SEZ6L: variants seen among roughly 807,000 people sequenced by gnomAD.
The protein encoded by SEZ6L is seizure related 6 homolog like.
In SEZ6L, 37 loss-of-function variants were observed where a neutral mutation model predicts 106.2. That is an observed-to-expected ratio of 0.35 (90% confidence interval 0.27 to 0.46). The LOEUF (loss-of-function observed/expected upper bound fraction) is 0.46, where lower values mean the gene tolerates loss of function less well. SEZ6L is among the 20% of genes least tolerant of loss of function. SEZ6L has a pLI of 1.00. For missense variants in SEZ6L, 1,172 were observed against 1,332.8 expected (o/e 0.88, Z 1.88); for synonymous variants, 541 against 570.4 (o/e 0.95, Z 0.73).
chr22:26,232,357 C>CACACACAA (rs2078826968), intron 1 of SEZ6L, among the ~76,000 whole-genome samples: 1 of 135,602 alleles, frequency 7.4e-6, no homozygotes, highest in Non-Finnish European at 1.6e-5. Context: ...CACACACACA[C>CACACACAA]ACACACACAC....
chr22:26,340,740 T>C (rs530984935), intron 10 of SEZ6L, 108 bp downstream of exon 10: 8 of 916,428 alleles, frequency 8.7e-6, no homozygotes, highest in Middle Eastern at 2.4e-4. Context: ...TTTTTCATTG[T>C]ATTGTATTGA....
At chr22:26,205,714 G>C (rs1250808178) in intron 1 of SEZ6L, among the ~76,000 whole-genome samples, 4 of 152,088 alleles carry the variant, frequency 2.6e-5, no homozygotes, top group African/African-American at 9.7e-5. Context: ...CAATCACACT[G>C]CTCTAACTAA....
intron 13 of SEZ6L, among the ~76,000 whole-genome samples, chr22:26,370,324 G>A (rs949802538): frequency 4.6e-5 from 7 of 152,116 alleles, no homozygotes; most frequent in African/African-American, 1.7e-4. Context: ...GGCGGAGCTT[G>A]CGGTGAGCTG....
At chr22:26,280,920 C>G (rs2080740860) in intron 1 of SEZ6L, among the ~76,000 whole-genome samples, 1 of 152,324 alleles carries the variant, frequency 6.6e-6, no homozygotes, top group African/African-American at 2.4e-5. Context: ...CACTTATAAT[C>G]TAATCTCTTA....
In SEZ6L at chr22:26,340,427, C is replaced by A. The variant is rs199911444; in HGVS notation, c.2016-9C>A. Reference sequence around the variant, plus strand: ...TTCACATGACTCTCCCTCTTCTCTGCCCTCCAAGCCTGAATCTGAGCAACA... The same window carrying A: ...TTCACATGACTCTCCCTCTTCTCTGACCTCCAAGCCTGAATCTGAGCAACA... On this transcript the variant is annotated splice_polypyrimidine_tract_variant and intron_variant, in intron 9 of 16. Coordinates refer to ENST00000248933, the MANE Select transcript of SEZ6L (RefSeq NM_021115.5). 5.6e-6 allele frequency: 9 copies of A among 1,602,398 alleles called. No homozygotes were observed. The highest frequency in any genetic ancestry group is 2.2e-5 in the East Asian group (1 of 44,742).
rs551667978 is a variant in SEZ6L, at chr22:26,235,959, G to A, written c.95-56447G>A. On this transcript the variant is annotated intron_variant, in intron 1 of 16. Coordinates refer to ENST00000248933, the MANE Select transcript of SEZ6L (RefSeq NM_021115.5). ...AAGCTGCATGAGTCACTGGGCTTGC[G>A]GCCTTGGAAGATGCTCTCATAACAT... 5.9e-5 allele frequency among the ~76,000 whole-genome samples: 9 copies of A among 152,300 alleles called. No homozygotes were observed. The South Asian group carries it at 1.5e-3, about 25-fold the overall frequency.
chr22:26,242,652 C>T (rs1484466298), intron 1 of SEZ6L: 1 of 152,184 alleles, frequency 6.6e-6, no homozygotes. Flanking sequence ...AGAGGAGATG[C>T]TGGGGCCTCG....
rs1480819245 is a variant in SEZ6L at position 26,369,405 on chromosome 22, TCTCGG to T, written c.2794+3843_2794+3847del. Among the ~76,000 whole-genome samples the T allele has an allele frequency of 5.1e-5, 7 of 137,028 alleles. No homozygotes were observed. In the South Asian group the frequency reaches 1.4e-3, roughly 27 times the overall value. The allele number at this position is 137,028 out of a possible 152,430, so 89.9% of individuals were successfully genotyped here. ...CCCAGGCTGGAGTGCAGTGGCTGGA[TCTCGG>T]CTCACTGCAAGCTCCGCCTCCCGCA... is the stretch of plus-strand genomic sequence containing the variant. On this transcript the variant is annotated intron_variant, in intron 13 of 16. Coordinates refer to ENST00000248933, the MANE Select transcript of SEZ6L (RefSeq NM_021115.5).
At chr22:26,175,136 G>A (rs1938891814) in intron 1 of SEZ6L, among the ~76,000 whole-genome samples, 1 of 152,202 alleles carries the variant, frequency 6.6e-6, no homozygotes, top group Non-Finnish European at 1.5e-5. Context: ...GGAAGGGATG[G>A]TGTGTGTTTG....
At chr22:26,351,632 C>T (rs374208450) in intron 12 of SEZ6L, among the ~76,000 whole-genome samples, 4 of 152,150 alleles carry the variant, frequency 2.6e-5, no homozygotes, top group African/African-American at 4.8e-5. Flanking sequence ...CTGCAATCTC[C>T]GCCTCCTGGG....
At chr22:26,194,014 T>C (rs539820685) in intron 1 of SEZ6L, among the ~76,000 whole-genome samples, 1 of 152,132 alleles carries the variant, frequency 6.6e-6, no homozygotes, top group African/African-American at 2.4e-5. Context: ...AGTCCAGGAA[T>C]GCACTGACCC....
At chr22:26,330,446 G>A (rs1053803228) in intron 9 of SEZ6L, among the ~76,000 whole-genome samples, 5 of 152,222 alleles carry the variant, frequency 3.3e-5, no homozygotes, top group African/African-American at 1.2e-4. Flanking sequence ...TAAATGCAGG[G>A]TGGACAGAGG....
At chr22:26,341,507 G>T (rs1327426246) in intron 10 of SEZ6L, among the ~76,000 whole-genome samples, 1 of 152,126 alleles carries the variant, frequency 6.6e-6, no homozygotes, top group Non-Finnish European at 1.5e-5. Context: ...GCCTTCATTA[G>T]TTCCCATGGA....
At chr22:26,324,103 A>ACACAAAC (rs1569463232) in intron 9 of SEZ6L, among the ~76,000 whole-genome samples, 2 of 83,304 alleles carry the variant, frequency 2.4e-5, no homozygotes, top group Admixed American at 1.2e-4. Context: ...CACACACACA[A>ACACAAAC]ACACACACAC....
chr22:26,356,691 A>G (rs11090436), intron 12 of SEZ6L, among the ~76,000 whole-genome samples: 92,643 of 146,786 alleles, frequency 0.63, 30,337 homozygotes, highest in Middle Eastern at 0.81. Context: ...TAATAATAAT[A>G]ATGACAATTG....
At chr22:26,281,940 C>A (rs867715734) in intron 1 of SEZ6L, among the ~76,000 whole-genome samples, 4 of 152,320 alleles carry the variant, frequency 2.6e-5, no homozygotes, top group Middle Eastern at 3.4e-3. Flanking sequence ...TCATCATTCT[C>A]TTCTCTCAGC....
At chr22:26,193,615 C>T (rs764101111) in intron 1 of SEZ6L, among the ~76,000 whole-genome samples, 1 of 152,192 alleles carries the variant, frequency 6.6e-6, no homozygotes, top group Non-Finnish European at 1.5e-5. Flanking sequence ...TCCCACTGCA[C>T]CAAGGAATCC....
At chr22:26,343,342 A>AAT (rs139296447) in intron 10 of SEZ6L, among the ~76,000 whole-genome samples, 13,596 of 148,408 alleles carry the variant, frequency 0.092, 841 homozygotes, top group Middle Eastern at 0.21. Flanking sequence ...AAAAAAAAAA[A>AAT]CTGACTGACT....
intron 1 of SEZ6L, among the ~76,000 whole-genome samples, chr22:26,261,903 G>T (rs561871357): frequency 6.6e-6 from 1 of 152,080 alleles, no homozygotes; most frequent in Non-Finnish European, 1.5e-5. Flanking sequence ...AGGTGGGATT[G>T]GTCAAGGAGG....
Sources: gnomAD v4.1 joint callset for allele counts (sites outside exome capture counted in the v4.1 genomes callset) on GRCh38, gnomAD v4.1.1 for gene constraint, MANE v1.5 for transcripts, NCBI Gene and HGNC (gene_info 2026-07-23, HGNC 2026-07-21) for gene names.